ARHGEF6: variants seen among roughly 807,000 people sequenced by gnomAD.
ARHGEF6 encodes the protein rho guanine nucleotide exchange factor 6.
A neutral mutation model predicts 70.3 loss-of-function variants in ARHGEF6; 9 were observed. That is an observed-to-expected ratio of 0.13 (90% CI 0.08 to 0.22). The LOEUF (loss-of-function observed/expected upper bound fraction) is 0.22, where lower values mean the gene tolerates loss of function less well. Among genes scored for constraint, ARHGEF6 ranks in the 10% least tolerant of loss-of-function variants. ARHGEF6 has a pLI of 1.00. For missense variants in ARHGEF6, 470 were observed against 563.0 expected, an observed-to-expected ratio of 0.83 and a Z score of 1.67; for synonymous variants, 201 against 207.8, an observed-to-expected ratio of 0.97 and a Z score of 0.28.
chrX:136,749,964 C>A (rs2077133773), intron 2 of ARHGEF6, among the ~76,000 whole-genome samples: 1 of 112,155 alleles, frequency 8.9e-6, no homozygotes, highest in Non-Finnish European at 1.9e-5. Context: ...TTCTTCCATG[C>A]ACTTCAGAGA....
chrX:136,739,291 T>C (rs1336406340), intron 5 of ARHGEF6, among the ~76,000 whole-genome samples: 1 of 112,174 alleles, frequency 8.9e-6, no homozygotes, highest in Non-Finnish European at 1.9e-5. Flanking sequence ...AAATTGTTTC[T>C]TCACTGTTCC....
At chrX:136,709,780 C>T (rs910658936) in intron 7 of ARHGEF6, among the ~76,000 whole-genome samples, 37 of 112,089 alleles carry the variant, frequency 3.3e-4, no homozygotes, top group African/African-American at 1.2e-3. Context: ...GCCTGGCCGA[C>T]ATGGTGAAAC....
intron 6 of ARHGEF6, among the ~76,000 whole-genome samples, chrX:136,729,029 T>TCTCA (rs2076902018): frequency 1.1e-5 from 1 of 91,326 alleles, no homozygotes; most frequent in Non-Finnish European, 2.2e-5. Context: ...TCTCTCTCTC[T>TCTCA]CTCTCTCTCT....
chrX:136,780,637 G>A, intron 1 of ARHGEF6, 81 bp downstream of exon 1: 1 of 926,059 alleles, frequency 1.1e-6, no homozygotes. Context: ...CATGGCCTGG[G>A]AAATAGAAAA....
At chrX:136,753,176 A>G (rs2077170483) in intron 2 of ARHGEF6, among the ~76,000 whole-genome samples, 1 of 112,562 alleles carries the variant, frequency 8.9e-6, no homozygotes, top group South Asian at 3.7e-4. Flanking sequence ...GTTTTAAATA[A>G]TAGCTGTTCC....
intron 5 of ARHGEF6, among the ~76,000 whole-genome samples, chrX:136,737,133 T>A (rs932744193): frequency 2.7e-5 from 3 of 112,047 alleles, no homozygotes; most frequent in Non-Finnish European, 5.6e-5. Flanking sequence ...TTTAGTTCCA[T>A]GCCTGATTGA....
intron 5 of ARHGEF6, among the ~76,000 whole-genome samples, chrX:136,738,203 ACT>A (rs1174790797): frequency 9.0e-6 from 1 of 110,679 alleles, no homozygotes; most frequent in African/African-American, 3.3e-5. Flanking sequence ...CTGTCAGTTG[ACT>A]CACCACCAGC....
At chrX:136,746,231 G>A (rs1435680962) in intron 3 of ARHGEF6, among the ~76,000 whole-genome samples, 1 of 111,895 alleles carries the variant, frequency 8.9e-6, no homozygotes, top group Non-Finnish European at 1.9e-5. Context: ...GCAAAGGAAC[G>A]TATAATTTGT....
At chrX:136,779,001 T>A (rs957166234) in intron 2 of ARHGEF6, among the ~76,000 whole-genome samples, 2 of 111,820 alleles carry the variant, frequency 1.8e-5, no homozygotes, top group Non-Finnish European at 3.8e-5. Flanking sequence ...TTCTCTCAGC[T>A]TTTCAAGGCC....
intron 2 of ARHGEF6, among the ~76,000 whole-genome samples, chrX:136,759,368 G>A (rs1046218140): frequency 2.7e-5 from 3 of 111,581 alleles, no homozygotes; most frequent in African/African-American, 6.5e-5. Flanking sequence ...AGGCTGGCGC[G>A]GTGGCTCACA....
chrX:136,701,857 A>G (rs764668706), intron 9 of ARHGEF6, among the ~76,000 whole-genome samples: 33 of 107,214 alleles, frequency 3.1e-4, no homozygotes, highest in Admixed American at 1.2e-3. Flanking sequence ...ACAGGCGCCC[A>G]CCACCACGCC....
chrX:136,769,615 T>C (rs986331285), intron 2 of ARHGEF6, among the ~76,000 whole-genome samples: 2 of 110,908 alleles, frequency 1.8e-5, no homozygotes, highest in African/African-American at 3.3e-5. Flanking sequence ...GTCATGTAGT[T>C]GTAGCCAGGA....
chrX:136,718,241 T>C (rs2076757855), intron 6 of ARHGEF6, among the ~76,000 whole-genome samples: 1 of 111,351 alleles, frequency 9.0e-6, no homozygotes, highest in Non-Finnish European at 1.9e-5. Flanking sequence ...AGAGCAAACA[T>C]TAGAGCACGA....
chrX:136,687,127 G>A (rs956223064), intron 11 of ARHGEF6, among the ~76,000 whole-genome samples: 2 of 111,287 alleles, frequency 1.8e-5, no homozygotes, highest in Middle Eastern at 4.3e-3. Context: ...CTATTAGCTT[G>A]CGCCATGTAA....
At chrX:136,747,682 C>A (rs966705958) in intron 2 of ARHGEF6, 90 bp from the exon 3 acceptor site, 7 of 191,727 alleles carry the variant, frequency 3.7e-5, no homozygotes, top group South Asian at 1.1e-4. Context: ...TCCAGCTCTC[C>A]GGAAAAAAAA....
At chrX:136,766,575 C>CAG (rs1200837767) in intron 2 of ARHGEF6, among the ~76,000 whole-genome samples, 2 of 112,146 alleles carry the variant, frequency 1.8e-5, no homozygotes, top group African/African-American at 6.5e-5. Flanking sequence ...TTTGAAGAGG[C>CAG]AGAGATAAAC....
chrX:136,719,544 AT>A (rs1346396127), intron 6 of ARHGEF6, among the ~76,000 whole-genome samples: 2 of 112,126 alleles, frequency 1.8e-5, no homozygotes, highest in South Asian at 3.7e-4. Context: ...GAATGCATAT[AT>A]TAGGAAAGAA....
chrX:136,731,067 G>T (rs1203411331), intron 6 of ARHGEF6, among the ~76,000 whole-genome samples: 1 of 111,627 alleles, frequency 9.0e-6, no homozygotes, highest in Non-Finnish European at 1.9e-5. Flanking sequence ...ACCTCTGCTG[G>T]GTAATATATT....
chrX:136,680,610 A>G lies in ARHGEF6; in HGVS notation c.1704+121T>C, dbSNP rs775969075. 1.2e-4 allele frequency: 100 copies of G among 842,239 alleles called. No homozygotes were observed. In the African/African-American group the frequency reaches 1.9e-3, roughly 16 times the overall value. The allele number at this position is 842,239 out of a possible 1,213,427, so 69.4% of individuals were successfully genotyped here. A position where few individuals can be genotyped will look rare whatever the true frequency, so the allele number is the denominator to read the frequency against. On this transcript the variant is annotated intron_variant, in intron 15 of 21. Transcript: ENST00000250617. The stretch of plus-strand genomic sequence containing the variant: ...GAGTGAGGTTTAACTGTACTTCAAA[A>G]TCTACAAATATAGGCTGCCCAAAAG...
Sources: allele counts gnomAD v4.1 joint callset (sites outside exome capture counted in the v4.1 genomes callset), GRCh38; gene constraint gnomAD v4.1.1; transcripts MANE v1.5; gene names NCBI Gene and HGNC (gene_info 2026-07-23, HGNC 2026-07-21).